SEMA4D: variants seen among roughly 807,000 people sequenced by gnomAD.
SEMA4D encodes semaphorin 4D.
In SEMA4D, 22 loss-of-function variants were observed where a neutral mutation model predicts 74.8. That is an observed-to-expected ratio of 0.29 (90% CI 0.21 to 0.42). The LOEUF (loss-of-function observed/expected upper bound fraction) is 0.42, where lower values mean the gene tolerates loss of function less well. Ranked by LOEUF, SEMA4D falls within the 10% of genes least tolerant of loss-of-function variation. SEMA4D has a pLI of 1.00. For missense variants in SEMA4D, 937 were observed against 1,118.4 expected, an observed-to-expected ratio of 0.84 and a Z score of 2.31; for synonymous variants, 445 against 463.7, an observed-to-expected ratio of 0.96 and a Z score of 0.52.
At chr9:89,365,083 A>G (rs1337366523) in intron 16 of SEMA4D, 1 of 152,286 alleles carries the variant, frequency 6.6e-6, no homozygotes, top group Non-Finnish European at 1.5e-5. Flanking sequence ...TTACTGAAGG[A>G]AAAACAAGCA....
intron 2 of SEMA4D, among the ~76,000 whole-genome samples, chr9:89,437,189 C>G (rs1564783842): frequency 6.6e-6 from 1 of 152,172 alleles, no homozygotes; most frequent in Non-Finnish European, 1.5e-5. Context: ...CTCTGCGGGC[C>G]AGCATGCCCA....
rs747899965 is a variant in SEMA4D, at chr9:89,387,376, C to G, written c.1330+10G>C. ...GTCACTGTCAAGCCTGCCAAGCCCT[C>G]GGAACCCACCTGTGCTGACAAACAT... On this transcript the variant is annotated intron_variant, in intron 12 of 15. Transcript: ENST00000422704. 1 of 1,599,050 alleles carries G rather than the reference C, an allele frequency of 6.3e-7. No individual in the cohort carries two copies. Among genetic ancestry groups the G allele is most frequent in the South Asian group, 1.1e-5 (1 of 90,180 alleles).
chr9:89,469,811 T>C (rs534513057), intron 1 of SEMA4D, among the ~76,000 whole-genome samples: 1 of 151,892 alleles, frequency 6.6e-6, no homozygotes, highest in African/African-American at 2.4e-5. Context: ...TCATATTTCA[T>C]GGTGGCAGAC....
chr9:89,494,833 T>C (rs964964618), intron 1 of SEMA4D, among the ~76,000 whole-genome samples: 4 of 152,156 alleles, frequency 2.6e-5, no homozygotes, highest in African/African-American at 9.7e-5. Context: ...CATCATTTCA[T>C]CTACCAACAC....
downstream of SEMA4D, among the ~76,000 whole-genome samples, chr9:89,373,055 G>C (rs1564505298): frequency 6.6e-6 from 1 of 152,086 alleles, no homozygotes; most frequent in Non-Finnish European, 1.5e-5. Context: ...CACAGGTGTG[G>C]CCCTGTCCCT....
At chr9:89,391,534 T>A in intron 8 of SEMA4D, 119 bp from the exon 9 acceptor site, 3 of 939,344 alleles carry the variant, frequency 3.2e-6, no homozygotes, top group Non-Finnish European at 5.0e-6. Flanking sequence ...TGCAAGGATG[T>A]CTGGAGTGTG....
intron 2 of SEMA4D, among the ~76,000 whole-genome samples, chr9:89,419,327 A>G (rs1846410591): frequency 1.3e-5 from 2 of 152,300 alleles, no homozygotes; most frequent in South Asian, 2.1e-4. Context: ...AATCCTGGAA[A>G]AGGCCACATC....
intron 18 of SEMA4D, among the ~76,000 whole-genome samples, chr9:89,363,267 T>TTC (rs572134533): frequency 4.0e-5 from 6 of 151,554 alleles, no homozygotes; most frequent in African/African-American, 1.5e-4. Context: ...ACGTGGGATT[T>TTC]CCCCCCCCAG....
At chr9:89,422,369 G>A (rs1222594440) in intron 2 of SEMA4D, among the ~76,000 whole-genome samples, 3 of 152,218 alleles carry the variant, frequency 2.0e-5, no homozygotes, top group Admixed American at 6.5e-5. Flanking sequence ...TCTGGCTTGG[G>A]GAGGGCAGGC....
At chr9:89,395,424 CA>C (rs60494089) in intron 6 of SEMA4D, among the ~76,000 whole-genome samples, 2,597 of 111,796 alleles carry the variant, frequency 0.023, 60 homozygotes, top group African/African-American at 0.072. Context: ...AACTCCGTCT[CA>C]AAAAAAAAAA....
chr9:89,400,387 CA>C (rs1841937525), intron 4 of SEMA4D, among the ~76,000 whole-genome samples: 1 of 152,218 alleles, frequency 6.6e-6, no homozygotes, highest in Admixed American at 6.5e-5. Context: ...ATAACTGATG[CA>C]AAAGAAACCA....
At chr9:89,463,886 A>G (rs935610906) in intron 1 of SEMA4D, among the ~76,000 whole-genome samples, 8 of 150,266 alleles carry the variant, frequency 5.3e-5, no homozygotes, top group Admixed American at 4.0e-4. Flanking sequence ...GTGAGCCGAG[A>G]TTGCACCACT....
Position 89,388,924 on chromosome 9 carries a change from T to C in SEMA4D, c.898A>G (p.Arg300Gly), listed in dbSNP as rs755195976. Residue 300 changes from arginine to glycine, a missense_variant, in exon 10 of 16, where the codon AGG (arginine) becomes GGG (glycine). Arg to Gly is a moderately radical substitution (Grantham distance 125). Coordinates refer to ENST00000422704, the MANE Select transcript of SEMA4D (RefSeq NM_001371194.2). Reference sequence around the variant, plus strand: ...ACAGGCACCTTCAGGCCCGGGGACCTGAGCACGAAGACATCCCGCAGCACA... The same window carrying C: ...ACAGGCACCTTCAGGCCCGGGGACCCGAGCACGAAGACATCCCGCAGCACA... ...FNVLRDVFVL[R>G]SPGLKVPVFY... is the part of the protein sequence containing the mutation. 1 of 1,614,116 alleles carries C rather than the reference T, an allele frequency of 6.2e-7. No homozygotes were observed. The highest frequency in any genetic ancestry group is 1.1e-5 in the South Asian group (1 of 91,084).
intron 4 of SEMA4D, among the ~76,000 whole-genome samples, chr9:89,401,808 G>C (rs1269951739): frequency 6.6e-6 from 1 of 152,154 alleles, no homozygotes; most frequent in African/African-American, 2.4e-5. Context: ...CAAAATAGCT[G>C]GTGATGGGCA....
At chr9:89,421,577 C>T (rs1162301536) in intron 2 of SEMA4D, among the ~76,000 whole-genome samples, 1 of 152,192 alleles carries the variant, frequency 6.6e-6, no homozygotes, top group Non-Finnish European at 1.5e-5. Flanking sequence ...CAGAAGTCCA[C>T]CAGTGTGTGT....
At chr9:89,488,652 C>A (rs894246892) in intron 1 of SEMA4D, among the ~76,000 whole-genome samples, 1 of 152,082 alleles carries the variant, frequency 6.6e-6, no homozygotes, top group Non-Finnish European at 1.5e-5. Context: ...GGATTACAGG[C>A]GTGAGCCACC....
chr9:89,419,435 G>A (rs4877085), intron 2 of SEMA4D, among the ~76,000 whole-genome samples: 34,229 of 152,050 alleles, frequency 0.23, 4,302 homozygotes, highest in Non-Finnish European at 0.28. Context: ...GAAAGTCCAC[G>A]CTACTGTGGG....
chr9:89,408,309 A>C lies in SEMA4D; in HGVS notation c.-243-2610T>G, dbSNP rs187733249. 3.2e-4 allele frequency among the ~76,000 whole-genome samples: 48 copies of C among 152,358 alleles called. No individual in the cohort carries two copies. In the East Asian group the frequency reaches 8.3e-3, roughly 26 times the overall value. On this transcript the variant is annotated intron_variant, in intron 2 of 15. Coordinates refer to ENST00000422704, the MANE Select transcript of SEMA4D (RefSeq NM_001371194.2). ...GGAGTGGGGCTGCGTGGAAGCAACC[A>C]GCCCAGGGCCTGGCACCCACAAACA...
intron 1 of SEMA4D, among the ~76,000 whole-genome samples, chr9:89,461,700 C>CTCTTTTTTTTTTTTTTTTTTTTTTT (rs71281350): frequency 6.8e-5 from 7 of 103,646 alleles, no homozygotes; most frequent in East Asian, 3.7e-4. Flanking sequence ...TCTTTTTTCT[C>CTCTTTTTTTTTTTTTTTTTTTTTTT]TTTTTTTTTT....
Sources: gnomAD v4.1 joint callset for allele counts (sites outside exome capture counted in the v4.1 genomes callset) on GRCh38, gnomAD v4.1.1 for gene constraint, MANE v1.5 for transcripts, NCBI Gene and HGNC (gene_info 2026-07-23, HGNC 2026-07-21) for gene names.